The following VPS11 variants were observed in gnomAD, a reference collection of about 807,000 sequenced individuals.
The protein encoded by VPS11 is vacuolar protein sorting-associated protein 11 homolog.
Under a neutral mutation model 106.8 loss-of-function variants are expected in VPS11, and 51 were observed. That is an observed-to-expected ratio of 0.48 (90% CI 0.38 to 0.60). The LOEUF (loss-of-function observed/expected upper bound fraction) is 0.60. VPS11 is among the 20% of genes least tolerant of loss of function. VPS11 has a pLI of 0.00. For missense variants in VPS11, 950 were observed against 1,190.0 expected, an observed-to-expected ratio of 0.80 and a Z score of 2.97; for synonymous variants, 453 against 458.7, an observed-to-expected ratio of 0.99 and a Z score of 0.16.
intron 7 of VPS11, among the ~76,000 whole-genome samples, chr11:119,075,542 T>TTAAAA (rs1555202803): frequency 9.0e-6 from 1 of 111,630 alleles, no homozygotes; most frequent in South Asian, 2.9e-4. Context: ...CTGTCTCCAC[T>TTAAAA]AAAAAAAAAA....
rs1446266892 is a variant in VPS11, at chr11:119,081,467, C to G, written c.2670C>G (p.Cys890Trp). ...LHDQFQHQLK[C>W]SNDSFSVIAD... ...CTCCTCTTCTCCTGCAGCTCAAGTG[C>G]TCCAATGACAGCTTTTCTGTGATTG... The change falls in exon 16 of 16, where the codon TGC becomes TGG. Residue 890 changes from cysteine (C) to tryptophan (W), a missense_variant. Physicochemically the swap from Cys to Trp is radical, Grantham distance 215. Around this residue, in one of 3 missense-constraint regions of VPS11, gnomAD observed 453 missense variants for 514.6 expected, o/e 0.88. Coordinates refer to ENST00000621676, the MANE Select transcript of VPS11 (RefSeq NM_021729.6). 6.2e-7 allele frequency: 1 copy of G among 1,613,846 alleles called. No homozygotes were observed. Among genetic ancestry groups the G allele is most frequent in the Non-Finnish European group, 8.5e-7 (1 of 1,179,892 alleles).
At chr11:119,069,159 C>G (rs781970882) in intron 1 of VPS11, 37 bp from the exon 2 acceptor site, 24 of 1,611,268 alleles carry the variant, frequency 1.5e-5, no homozygotes, top group Non-Finnish European at 2.0e-5. Flanking sequence ...ATGTAAGTAT[C>G]TCTCCTTGGA....
At position 119,081,285 on chromosome 11, in the gene VPS11, C is replaced by G; in HGVS notation, c.2632C>G (p.Arg878Gly). Residue 878 changes from arginine (R) to glycine (G), a missense_variant, in exon 15 of 16, where the codon CGA (arginine) becomes GGA (glycine). Physicochemically the swap from Arg to Gly is moderately radical, Grantham distance 125 (BLOSUM62 -2). This residue lies in a region of VPS11 where 453 missense variants were observed against 514.6 expected (regional missense o/e 0.88). Transcript: ENST00000621676. ...MDMIRAQEQK[R>G]DLHDQFQHQL... ...TATGATCCGGGCCCAGGAACAGAAA[C>G]GAGATCTCCATGATCAATTCCAGCA... 6.2e-7 allele frequency: 1 copy of G among 1,614,038 alleles called. No individual in the cohort carries two copies. Among genetic ancestry groups the G allele is most frequent in the Non-Finnish European group, 8.5e-7 (1 of 1,179,902 alleles).
At chr11:119,069,999 AAAAT>A (rs140755985) in intron 3 of VPS11, among the ~76,000 whole-genome samples, 19 of 141,754 alleles carry the variant, frequency 1.3e-4, no homozygotes, top group African/African-American at 3.9e-4. Flanking sequence ...ACTCTGTCTC[AAAAT>A]AAATAAATAA....
rs768186101 is a variant in VPS11, at chr11:119,077,902, A to G, written c.1597A>G (p.Ile533Val). 6.8e-6 allele frequency: 11 copies of G among 1,614,062 alleles called. No individual in the cohort carries two copies. Among genetic ancestry groups the G allele is most frequent in the East Asian group, 2.2e-5 (1 of 44,892 alleles). Reference sequence around the variant, plus strand: ...GAATTATCAGGAAGCCCTTCGATACATCGGCAAGCTGCCTTTTGAGCAGGC... The same window carrying G: ...GAATTATCAGGAAGCCCTTCGATACGTCGGCAAGCTGCCTTTTGAGCAGGC... ...IKNYQEALRY[I>V]GKLPFEQAES... Residue 533 changes from isoleucine (I) to valine (V), a missense_variant, in exon 10 of 16, where the codon ATC (isoleucine) becomes GTC (valine). This residue lies in a region of VPS11 where 435 missense variants were observed against 630.2 expected (regional missense o/e 0.69). Coordinates refer to ENST00000621676, the MANE Select transcript of VPS11 (RefSeq NM_021729.6).
intron 7 of VPS11, among the ~76,000 whole-genome samples, chr11:119,074,898 C>T (rs1945543889): frequency 6.6e-6 from 1 of 152,154 alleles, no homozygotes; most frequent in Non-Finnish European, 1.5e-5. Flanking sequence ...AAAAGGTATT[C>T]ATCTCTTGCT....
intron 15 of VPS11, 22 bp from the exon 16 acceptor site, chr11:119,081,437 C>T (rs782349621): frequency 1.2e-6 from 2 of 1,613,758 alleles, no homozygotes; most frequent in South Asian, 2.2e-5. Flanking sequence ...ATTCGTATTC[C>T]TTCCCTCCTC....
At position 119,078,030 on chromosome 11, in the gene VPS11, C is replaced by G. The variant is rs782324655; in HGVS notation, c.1725C>G (p.Leu575=). 1.2e-6 allele frequency: 2 copies of G among 1,612,592 alleles called. No individual in the cohort carries two copies. Among genetic ancestry groups the G allele is most frequent in the Non-Finnish European group, 1.7e-6 (2 of 1,179,878 alleles). The change falls in exon 10 of 16, where the codon CTC becomes CTG. Residue 575 remains leucine, a synonymous_variant. Transcript: ENST00000621676. Reference sequence around the variant, plus strand: ...TTTGTACTGATTATCGGCCCAGCCTCGAAGGCCGCAGCGATAGGGAGGCCC... The same window carrying G: ...TTTGTACTGATTATCGGCCCAGCCTGGAAGGCCGCAGCGATAGGGAGGCCC... ...KGLCTDYRPS[L]EGRSDREAPG...
chr11:119,071,776 A>G lies in VPS11; in HGVS notation c.817A>G (p.Lys273Glu), dbSNP rs1945401348. Reference protein sequence around the residue: ...RGPCFAFEGHKLIAHWFRGYL... With the variant: ...RGPCFAFEGHELIAHWFRGYL... ...GCCCTGCTTCGCCTTTGAGGGCCAT[A>G]AGCTCATTGCCCACTGGTTTAGAGG... Residue 273 changes from lysine to glutamate, a missense_variant, in exon 5 of 16, where the codon AAG becomes GAG. Around this residue, in one of 3 missense-constraint regions of VPS11, gnomAD observed 435 missense variants for 630.2 expected, o/e 0.69. Transcript: ENST00000621676. 1 of 1,613,836 alleles carries G rather than the reference A, an allele frequency of 6.2e-7. No individual in the cohort carries two copies. Among genetic ancestry groups the G allele is most frequent in the African/African-American group, 1.3e-5 (1 of 74,910 alleles).
Position 119,070,691 on chromosome 11 carries a change from A to T in VPS11, c.636+294A>T, listed in dbSNP as rs150037454. On this transcript the variant is annotated intron_variant, in intron 4 of 15. Transcript: ENST00000621676. The stretch of plus-strand genomic sequence containing the variant: ...CGAGATCTTGACTCACTGTAACCTC[A>T]GTCTCCCAGGTTCAAGCAATTCTCC... The T allele has an allele frequency of 1.0e-3, 178 of 178,022 alleles. No individual in the cohort carries two copies. In the East Asian group the frequency reaches 0.017, roughly 17 times the overall value. 11.0% of individuals were successfully genotyped at this position (178,022 alleles called of 1,614,324 possible).
intron 4 of VPS11, 188 bp downstream of exon 4, chr11:119,070,585 G>A: frequency 1.9e-6 from 1 of 519,760 alleles, no homozygotes; most frequent in Non-Finnish European, 3.1e-6. Context: ...CTCTGGGCTT[G>A]TAGTAAAAAG....
intron 7 of VPS11, among the ~76,000 whole-genome samples, chr11:119,074,230 G>A (rs782586925): frequency 1.3e-5 from 2 of 151,302 alleles, no homozygotes; most frequent in Non-Finnish European, 2.9e-5. Context: ...GATTACAGGC[G>A]CGTGCCACCA....
chr11:119,073,363 C>T lies in VPS11; in HGVS notation c.1050C>T (p.His350=), dbSNP rs766962018. 1.2e-5 allele frequency: 19 copies of T among 1,613,438 alleles called. No homozygotes were observed. The highest frequency in any genetic ancestry group is 4.5e-5 in the East Asian group (2 of 44,898). Residue 350 remains histidine, a synonymous_variant, in exon 6 of 16, where the codon CAC becomes CAT. Coordinates refer to ENST00000621676, the MANE Select transcript of VPS11 (RefSeq NM_021729.6). ...TGCTGACGCGGGATGGGCGGGTCCA[C>T]GCACTGCAGGAGAAGGACACACAGA... ...LYVLTRDGRV[H]ALQEKDTQTK... is the part of the protein sequence containing the mutation.
In VPS11 at chr11:119,081,708, G is replaced by A; in HGVS notation, c.*85G>A. ...CTGGGCGGGCGTTACACAGAAGGCTGGCTGACATGCCCAGGGCTCCACTCT... is the reference window on the plus strand; with the variant it reads ...CTGGGCGGGCGTTACACAGAAGGCTAGCTGACATGCCCAGGGCTCCACTCT... On this transcript the variant is annotated 3_prime_UTR_variant, in exon 16 of 16. Transcript: ENST00000621676. 2 of 1,517,046 alleles carry A rather than the reference G, an allele frequency of 1.3e-6. No homozygotes were observed. Among genetic ancestry groups the A allele is most frequent in the Non-Finnish European group, 1.8e-6 (2 of 1,124,508 alleles). 94.0% of individuals were successfully genotyped at this position (1,517,046 alleles called of 1,614,324 possible). A position where few individuals can be genotyped will look rare whatever the true frequency, so the allele number is the denominator to read the frequency against.
Position 119,070,402 on chromosome 11 carries a change from G to A in VPS11, c.636+5G>A, listed in dbSNP as rs1431962806. 1.9e-6 allele frequency: 3 copies of A among 1,608,450 alleles called. No individual in the cohort carries two copies. The highest frequency in any genetic ancestry group is 2.6e-6 in the Non-Finnish European group (3 of 1,176,018). Reference sequence around the variant, plus strand: ...GTGACAACAGAGAACGTCCAGGTATGACCAAGGCCTCCACTCTTAGGAGCA... The same window carrying A: ...GTGACAACAGAGAACGTCCAGGTATAACCAAGGCCTCCACTCTTAGGAGCA... On this transcript the variant is annotated splice_donor_5th_base_variant and intron_variant, in intron 4 of 15. Transcript: ENST00000621676.
intron 7 of VPS11, 28 bp downstream of exon 7, chr11:119,073,979 G>A: frequency 3.1e-6 from 5 of 1,589,194 alleles, no homozygotes; most frequent in Non-Finnish European, 4.3e-6. Flanking sequence ...TTGGGATATA[G>A]CTGTGAATGC....
chr11:119,067,878 A>G lies in VPS11; in HGVS notation c.55A>G (p.Lys19Glu), dbSNP rs2133639393. ...RFVFFDKELV[K>E]EPLSNDGAAP... ...CGTTTTCTTCGACAAGGAGCTGGTG[A>G]AGGAGCCGCTGAGCAATGATGGGGC... is the stretch of plus-strand genomic sequence containing the variant. The change falls in exon 1 of 16, where the codon AAG (lysine) becomes GAG (glutamate). Residue 19 changes from lysine (K) to glutamate (E), a missense_variant. This residue lies in a region of VPS11 where 62 missense variants were observed against 45.1 expected (regional missense o/e 1.37). Transcript: ENST00000621676. 6.3e-7 allele frequency: 1 copy of G among 1,579,932 alleles called. No homozygotes were observed. Among genetic ancestry groups the G allele is most frequent in the South Asian group, 1.2e-5 (1 of 86,858 alleles).
intron 5 of VPS11, chr11:119,072,089 C>T (rs1259184810): frequency 2.4e-6 from 1 of 408,896 alleles, no homozygotes; most frequent in African/African-American, 2.0e-5. Context: ...CCTCAGCCTC[C>T]TGAATAGCTG....
chr11:119,071,492 G>A (rs1195139294), intron 4 of VPS11, 104 bp from the exon 5 acceptor site: 4 of 1,435,912 alleles, frequency 2.8e-6, no homozygotes, highest in Admixed American at 2.3e-5. Context: ...ACTTTAGAAT[G>A]CCAAGAGGGA....
Sources: allele counts gnomAD v4.1 joint callset (sites outside exome capture counted in the v4.1 genomes callset), GRCh38; gene constraint gnomAD v4.1.1; regional missense constraint gnomAD v4.1.1; transcripts MANE v1.5; gene names NCBI Gene and HGNC (gene_info 2026-07-23, HGNC 2026-07-21).